PRIMPOL: variants seen among roughly 807,000 people sequenced by gnomAD.
PRIMPOL encodes the protein DNA-directed primase/polymerase protein.
In PRIMPOL, 54 loss-of-function variants were observed where a neutral mutation model predicts 63.6. The ratio of observed to expected loss-of-function variants is 0.85; its 90% CI spans 0.68 to 1.07. The LOEUF is 1.07. Ranked by LOEUF, PRIMPOL falls within the 50% of genes least tolerant of loss-of-function variation. PRIMPOL has a pLI of 0.00. For missense variants in PRIMPOL, 610 were observed against 648.3 expected, an observed-to-expected ratio of 0.94 and a Z score of 0.64; for synonymous variants, 197 against 220.2, an observed-to-expected ratio of 0.89 and a Z score of 0.93.
In PRIMPOL at chr4:184,674,083, G is replaced by A. The variant is rs534347994; in HGVS notation, c.844+1623G>A. On this transcript the variant is annotated intron_variant, in intron 7 of 13. Coordinates refer to ENST00000314970, the MANE Select transcript of PRIMPOL (RefSeq NM_152683.4). Reference sequence around the variant, plus strand: ...GGGAGAGCGGCAGTGGCCAGTACCCGTCTCTACTTCTACCCCAGCAGAACA... The same window carrying A: ...GGGAGAGCGGCAGTGGCCAGTACCCATCTCTACTTCTACCCCAGCAGAACA... Among the ~76,000 whole-genome samples, 5 of 152,262 alleles carry A rather than the reference G, an allele frequency of 3.3e-5. No homozygotes were observed. In the South Asian group the frequency reaches 6.2e-4, roughly 19 times the overall value.
intron 2 of PRIMPOL, 124 bp from the exon 3 acceptor site, chr4:184,656,958 G>C (rs913403482): frequency 2.1e-6 from 1 of 473,564 alleles, no homozygotes; most frequent in Non-Finnish European, 3.6e-6. Context: ...TCATTCTGTG[G>C]TAAAACTTCA....
intron 8 of PRIMPOL, among the ~76,000 whole-genome samples, chr4:184,681,854 G>A (rs1267193405): frequency 4.6e-5 from 7 of 152,108 alleles, no homozygotes; most frequent in Non-Finnish European, 1.0e-4. Flanking sequence ...GATTATAGGC[G>A]TGAGCCACTG....
intron 9 of PRIMPOL, among the ~76,000 whole-genome samples, chr4:184,684,842 A>G (rs999782080): frequency 6.6e-6 from 1 of 152,124 alleles, no homozygotes; most frequent in Non-Finnish European, 1.5e-5. Flanking sequence ...TTAACACTGT[A>G]CTTTGTTAAA....
intron 5 of PRIMPOL, among the ~76,000 whole-genome samples, chr4:184,664,816 A>G (rs1002001028): frequency 4.6e-5 from 7 of 152,198 alleles, no homozygotes; most frequent in African/African-American, 1.4e-4. Flanking sequence ...CAGAGGAAAC[A>G]TGTCAAACTA....
chr4:184,688,163 T>G (rs1187916431), intron 11 of PRIMPOL, among the ~76,000 whole-genome samples: 4 of 152,206 alleles, frequency 2.6e-5, no homozygotes, highest in Non-Finnish European at 5.9e-5. Context: ...TCACCTAGTA[T>G]ACATGTGCTA....
At chr4:184,665,041 C>T (rs913590011) in intron 5 of PRIMPOL, among the ~76,000 whole-genome samples, 2 of 152,118 alleles carry the variant, frequency 1.3e-5, no homozygotes, top group African/African-American at 4.8e-5. Context: ...TCTAAACTGA[C>T]GGCAGTTCAT....
intron 1 of PRIMPOL, among the ~76,000 whole-genome samples, chr4:184,651,812 C>G (rs1744599223): frequency 6.6e-6 from 1 of 152,202 alleles, no homozygotes; most frequent in Non-Finnish European, 1.5e-5. Context: ...CTAGGCCCAG[C>G]TAATTTTTGT....
Position 184,657,108 on chromosome 4 carries a change from G to T in PRIMPOL, c.-33G>T. 2 of 1,447,754 alleles carry T rather than the reference G, an allele frequency of 1.4e-6. No homozygotes were observed. Among genetic ancestry groups the T allele is most frequent in the African/African-American group, 1.4e-5 (1 of 69,074 alleles). The allele number at this position is 1,447,754 out of a possible 1,614,324, so 89.7% of individuals were successfully genotyped here. ...AGTAATTGATAGAAATATTACGTGG[G>T]ATAGGATTTATTCTCTCCACACTTC... On this transcript the variant is annotated 5_prime_UTR_variant, in exon 3 of 14. Coordinates refer to ENST00000314970, the MANE Select transcript of PRIMPOL (RefSeq NM_152683.4).
chr4:184,684,018 A>G (rs1054015800), intron 9 of PRIMPOL, among the ~76,000 whole-genome samples: 3 of 152,114 alleles, frequency 2.0e-5, no homozygotes, highest in African/African-American at 7.2e-5. Context: ...TTCTTGTCTT[A>G]TATGTATTTA....
intron 2 of PRIMPOL, among the ~76,000 whole-genome samples, chr4:184,654,395 G>GA (rs1745613836): frequency 6.6e-6 from 1 of 151,288 alleles, no homozygotes; most frequent in African/African-American, 2.4e-5. Context: ...CAAAGTAACT[G>GA]AATACTCAGA....
At chr4:184,671,049 C>A (rs1382330870) in intron 6 of PRIMPOL, among the ~76,000 whole-genome samples, 2 of 152,012 alleles carry the variant, frequency 1.3e-5, no homozygotes, top group Non-Finnish European at 2.9e-5. Flanking sequence ...AACTTAATAG[C>A]CAAATTATTT....
chr4:184,663,018 T>TTTATTATTATTATTATTA (rs70962516), intron 5 of PRIMPOL, among the ~76,000 whole-genome samples: 32 of 138,762 alleles, frequency 2.3e-4, no homozygotes, highest in African/African-American at 7.1e-4. Context: ...ATTTTAAACC[T>TTTATTATTATTATTATTA]TTATTATTAT....
rs987903196 is a variant in PRIMPOL at position 184,657,564 on chromosome 4, C to T, written c.180+244C>T. On this transcript the variant is annotated intron_variant, in intron 3 of 13. Transcript: ENST00000314970. ...ATGAAAAAGAATGACACATCTAGTACCAATTAGTTTTTAAAAATTGTGATG... is the reference window on the plus strand; with the variant it reads ...ATGAAAAAGAATGACACATCTAGTATCAATTAGTTTTTAAAAATTGTGATG... 3.7e-5 allele frequency: 12 copies of T among 320,580 alleles called. No individual in the cohort carries two copies. In the Admixed American group the frequency reaches 5.8e-4, roughly 16 times the overall value. 19.9% of individuals were successfully genotyped at this position (320,580 alleles called of 1,614,324 possible).
chr4:184,667,150 C>T (rs1399482354), intron 6 of PRIMPOL, among the ~76,000 whole-genome samples: 5 of 152,110 alleles, frequency 3.3e-5, no homozygotes, highest in Admixed American at 6.5e-5. Flanking sequence ...GGAAGGTGGC[C>T]ACAGAGACCC....
At chr4:184,666,921 C>T (rs1560981270) in intron 6 of PRIMPOL, among the ~76,000 whole-genome samples, 1 of 152,160 alleles carries the variant, frequency 6.6e-6, no homozygotes, top group Non-Finnish European at 1.5e-5. Context: ...AATGGGAACA[C>T]CATATGAAGG....
In PRIMPOL at chr4:184,694,633, T is replaced by C; in HGVS notation, c.1537T>C (p.Trp513Arg). 1 of 1,614,182 alleles carries C rather than the reference T, an allele frequency of 6.2e-7. No individual in the cohort carries two copies. Among genetic ancestry groups the C allele is most frequent in the Non-Finnish European group, 8.5e-7 (1 of 1,180,014 alleles). ...LSTGASADAV[W>R]DNGIDDAYFL... is the part of the protein sequence containing the mutation. ...AACAGGTGCATCTGCTGATGCTGTC[T>C]GGGATAATGGCATTGATGATGCTTA... The change falls in exon 14 of 14, where the codon TGG becomes CGG. Residue 513 changes from tryptophan to arginine, a missense_variant. Physicochemically the swap from Trp to Arg is moderately radical, Grantham distance 101. Coordinates refer to ENST00000314970, the MANE Select transcript of PRIMPOL (RefSeq NM_152683.4).
At chr4:184,662,810 T>C (rs1056037179) in intron 5 of PRIMPOL, among the ~76,000 whole-genome samples, 2 of 151,904 alleles carry the variant, frequency 1.3e-5, no homozygotes, top group African/African-American at 4.8e-5. Context: ...TTTAAATCTT[T>C]GTGAAAATGT....
intron 6 of PRIMPOL, among the ~76,000 whole-genome samples, chr4:184,667,319 C>CTTT (rs10661298): frequency 5.6e-4 from 84 of 150,588 alleles, no homozygotes; most frequent in African/African-American, 1.5e-3. Context: ...GAAAGTGAGA[C>CTTT]TTTTTTTTTG....
chr4:184,658,769 G>A (rs571782080), intron 3 of PRIMPOL, among the ~76,000 whole-genome samples: 168 of 152,072 alleles, frequency 1.1e-3, no homozygotes, highest in African/African-American at 3.7e-3. Context: ...TTAATCGGGC[G>A]TGGTGGTGGG....
Sources: allele counts gnomAD v4.1 joint callset (sites outside exome capture counted in the v4.1 genomes callset), GRCh38; gene constraint gnomAD v4.1.1; transcripts MANE v1.5; gene names NCBI Gene and HGNC (gene_info 2026-07-23, HGNC 2026-07-21).